The following CHIC2 variants were observed in gnomAD, a reference collection of about 807,000 sequenced individuals.
The protein encoded by CHIC2 is cysteine-rich hydrophobic domain-containing protein 2.
A neutral mutation model predicts 25.9 loss-of-function variants in CHIC2; 14 were observed. The observed-to-expected ratio is 0.54, with a 90% CI of 0.36 to 0.85. The LOEUF (loss-of-function observed/expected upper bound fraction) is 0.85. Among genes scored for constraint, CHIC2 ranks in the 40% least tolerant of loss-of-function variants. CHIC2 has a pLI of 0.01. For synonymous variants in CHIC2, 70 were observed against 72.0 expected (o/e 0.97, Z 0.14); for missense variants, 146 against 202.0 (o/e 0.72, Z 1.68).
chr4:54,069,898 A>G, the CHIC2 span, among the ~76,000 whole-genome samples: 1 of 152,174 alleles, frequency 6.6e-6, no homozygotes, highest in Non-Finnish European at 1.5e-5. Context: ...CAGTAAACCA[A>G]ACACAGCCCC....
At chr4:54,082,153 T>C in the CHIC2 span, among the ~76,000 whole-genome samples, 16 of 152,374 alleles carry the variant, frequency 1.1e-4, no homozygotes, top group African/African-American at 3.8e-4. Context: ...ATTTTGTGCA[T>C]TGATATACCA....
At chr4:54,021,412 C>T (rs1715896672) in intron 3 of CHIC2, among the ~76,000 whole-genome samples, 1 of 152,028 alleles carries the variant, frequency 6.6e-6, no homozygotes, top group African/African-American at 2.4e-5. Flanking sequence ...CCTTTGAATC[C>T]TCCTTTTCTA....
chr4:54,042,918 A>G (rs1285169703), intron 3 of CHIC2, among the ~76,000 whole-genome samples: 1 of 152,232 alleles, frequency 6.6e-6, no homozygotes, highest in African/African-American at 2.4e-5. Flanking sequence ...TATAACAGAA[A>G]TCAAGGGACA....
the CHIC2 span, among the ~76,000 whole-genome samples, chr4:54,080,144 ATATGTGTATATG>A: frequency 2.7e-5 from 4 of 148,046 alleles, no homozygotes; most frequent in African/African-American, 9.9e-5. Context: ...ATATGTGTAT[ATATGTGTATATG>A]TATGTGTATA....
chr4:54,015,778 T>C (rs1423976827), intron 3 of CHIC2, among the ~76,000 whole-genome samples: 1 of 152,202 alleles, frequency 6.6e-6, no homozygotes, highest in African/African-American at 2.4e-5. Flanking sequence ...GGAGCAGACA[T>C]AAAAATTCCA....
the CHIC2 span, chr4:54,086,829 C>T: frequency 2.0e-6 from 1 of 495,366 alleles, no homozygotes; most frequent in African/African-American, 2.0e-5. Flanking sequence ...ACTGTATCCT[C>T]CTAGACCATC....
chr4:54,026,309 C>G (rs1229861112), intron 3 of CHIC2, among the ~76,000 whole-genome samples: 1 of 151,696 alleles, frequency 6.6e-6, no homozygotes, highest in Non-Finnish European at 1.5e-5. Flanking sequence ...CACTTGAGGT[C>G]AGGAATTTGA....
chr4:54,025,300 C>G (rs1213636404), intron 3 of CHIC2, among the ~76,000 whole-genome samples: 4 of 152,102 alleles, frequency 2.6e-5, no homozygotes, highest in African/African-American at 9.7e-5. Context: ...ATCTCCCCCA[C>G]CCTTAAGAAG....
the CHIC2 span, among the ~76,000 whole-genome samples, chr4:54,078,308 G>A: frequency 6.6e-6 from 1 of 152,158 alleles, no homozygotes. Context: ...GTTGAACAGA[G>A]CAGTCCAGTC....
intron 3 of CHIC2, among the ~76,000 whole-genome samples, chr4:54,041,864 T>C (rs905082358): frequency 2.0e-5 from 3 of 151,708 alleles, no homozygotes; most frequent in Non-Finnish European, 4.4e-5. Flanking sequence ...CTGTCAGGGG[T>C]TGGGGGCTAG....
the CHIC2 span, among the ~76,000 whole-genome samples, chr4:54,075,264 A>T: frequency 1.3e-5 from 2 of 152,236 alleles, no homozygotes; most frequent in Non-Finnish European, 2.9e-5. Context: ...TCTGCACTTG[A>T]TATATTTAAA....
At chr4:54,070,647 T>G in the CHIC2 span, among the ~76,000 whole-genome samples, 1 of 152,100 alleles carries the variant, frequency 6.6e-6, no homozygotes, top group Admixed American at 6.6e-5. Context: ...GGTCTTGAAC[T>G]CCTGACCTCA....
upstream of CHIC2, among the ~76,000 whole-genome samples, chr4:54,066,431 A>AT (rs1485963053): frequency 6.6e-6 from 1 of 152,208 alleles, no homozygotes; most frequent in Non-Finnish European, 1.5e-5. Flanking sequence ...CGTACATAAT[A>AT]TATCATTTAA....
At chr4:54,044,120 T>C (rs1308765574) in intron 3 of CHIC2, among the ~76,000 whole-genome samples, 2 of 152,190 alleles carry the variant, frequency 1.3e-5, no homozygotes, top group South Asian at 2.1e-4. Context: ...TAAATATACA[T>C]GCACCCAATA....
At chr4:54,070,402 TTATTTA>T in the CHIC2 span, among the ~76,000 whole-genome samples, 2 of 87,488 alleles carry the variant, frequency 2.3e-5, no homozygotes, top group Non-Finnish European at 6.5e-5. Context: ...ATTTATTTAT[TTATTTA>T]TGTATTTATG....
chr4:54,049,240 G>T lies in CHIC2; in HGVS notation c.174+11C>A. ...TGAGGCATACAAATAGTACATAAAT[G>T]AGACACTCACTTTTCCAGTTAATGA... On this transcript the variant is annotated intron_variant, in intron 2 of 5. Transcript: ENST00000263921. The T allele has an allele frequency of 6.3e-7, 1 of 1,599,014 alleles. No homozygotes were observed. Among genetic ancestry groups the T allele is most frequent in the South Asian group, 1.1e-5 (1 of 88,286 alleles).
intron 3 of CHIC2, among the ~76,000 whole-genome samples, chr4:54,046,737 G>A (rs1716832601): frequency 6.6e-6 from 1 of 152,162 alleles, no homozygotes; most frequent in Non-Finnish European, 1.5e-5. Flanking sequence ...ACATAGGCAT[G>A]GGCAAGGACT....
In CHIC2 at chr4:54,064,344, G is replaced by T. The variant is rs765838305; in HGVS notation, c.-44C>A. ...CCTGCCCAAAGGGCCTGACTCCCGGGGTTGGCGCCGGGGTACCGGCGGGCG... is the reference window on the plus strand; with the variant it reads ...CCTGCCCAAAGGGCCTGACTCCCGGTGTTGGCGCCGGGGTACCGGCGGGCG... On this transcript the variant is annotated 5_prime_UTR_variant, in exon 1 of 6. Transcript: ENST00000263921. This position sits in a 1 kb window ranked among gnomAD's most constrained non-coding sequence, Gnocchi z 4.2. 5.6e-6 allele frequency: 9 copies of T among 1,609,802 alleles called. No individual in the cohort carries two copies. Among genetic ancestry groups the T allele is most frequent in the Admixed American group, 3.4e-5 (2 of 59,554 alleles).
chr4:54,086,989 A>T, the CHIC2 span: 1 of 926,958 alleles, frequency 1.1e-6, no homozygotes. Context: ...AGACAACTTC[A>T]AAAAACCAAC....
Sources: allele counts gnomAD v4.1 joint callset (sites outside exome capture counted in the v4.1 genomes callset), GRCh38; gene constraint gnomAD v4.1.1; non-coding constraint Gnocchi (gnomAD v3.1); transcripts MANE v1.5; gene names NCBI Gene and HGNC (gene_info 2026-07-23, HGNC 2026-07-21).